The following GABRA3 variants were observed in gnomAD, a reference collection of about 807,000 sequenced individuals.
GABRA3 encodes the protein gamma-aminobutyric acid type A receptor subunit alpha3, also known as gamma-aminobutyric acid receptor subunit alpha-3.
GABRA3 carries 10 observed loss-of-function variants against 30.1 expected under a neutral mutation model. That is an observed-to-expected ratio of 0.33 (90% CI 0.20 to 0.56). The LOEUF (loss-of-function observed/expected upper bound fraction) is 0.56, where lower values mean the gene tolerates loss of function less well. GABRA3 is among the 20% of genes least tolerant of loss of function. GABRA3 has a pLI of 0.89. For missense variants in GABRA3, 233 were observed against 392.0 expected, an observed-to-expected ratio of 0.59 and a Z score of 3.42; for synonymous variants, 151 against 146.8, an observed-to-expected ratio of 1.03 and a Z score of -0.21.
chrX:152,167,347 T>TA lies in GABRA3; in HGVS notation c.*880dup, dbSNP rs1351188751. 6.2e-5 allele frequency: 7 copies of TA among 112,349 alleles called. No individual in the cohort carries two copies. The East Asian group carries it at 1.7e-3, about 27-fold the overall frequency. 9.3% of individuals were successfully genotyped at this position (112,349 alleles called of 1,213,427 possible). A position where few individuals can be genotyped will look rare whatever the true frequency, so the allele number is the denominator to read the frequency against. ...TGACTTTTGTATCTCTCCCATATTT[T>TA]AAAAAAATGTTTTTTTTAAATCTAG... On this transcript the variant is annotated 3_prime_UTR_variant, in exon 10 of 10. Transcript: ENST00000370314.
intron 1 of GABRA3, among the ~76,000 whole-genome samples, chrX:152,439,654 G>T (rs1274098421): frequency 9.0e-6 from 1 of 111,331 alleles, no homozygotes; most frequent in Non-Finnish European, 1.9e-5. Context: ...ACCTGTACAA[G>T]AACATTTATA....
intron 3 of GABRA3, among the ~76,000 whole-genome samples, chrX:152,322,616 T>C (rs5970273): frequency 0.21 from 22,303 of 106,960 alleles, 2,261 homozygotes; most frequent in African/African-American, 0.38. Flanking sequence ...TCATTGAAAC[T>C]TCTGCCTCCC....
chrX:152,171,336 T>C (rs1936999547), intron 9 of GABRA3: 1 of 453,516 alleles, frequency 2.2e-6, no homozygotes, highest in African/African-American at 2.6e-5. Context: ...TAATCACAGA[T>C]TTTTTAAGTA....
intron 3 of GABRA3, among the ~76,000 whole-genome samples, chrX:152,337,815 C>A (rs1295241448): frequency 9.0e-6 from 1 of 111,516 alleles, no homozygotes; most frequent in African/African-American, 3.3e-5. Flanking sequence ...CAAGACCCTG[C>A]CTTACAAAAA....
chrX:152,279,287 C>A (rs1345606620), intron 4 of GABRA3, among the ~76,000 whole-genome samples: 1 of 111,576 alleles, frequency 9.0e-6, no homozygotes, highest in African/African-American at 3.3e-5. Context: ...TGATTTTTGT[C>A]TAAGGTGTAA....
chrX:152,295,344 G>A (rs934657782), intron 3 of GABRA3, among the ~76,000 whole-genome samples: 1 of 112,730 alleles, frequency 8.9e-6, no homozygotes, highest in African/African-American at 3.2e-5. Context: ...GCTGTGGTGT[G>A]CTCCACCCAG....
chrX:152,173,115 G>A (rs112206876), intron 9 of GABRA3, among the ~76,000 whole-genome samples: 196 of 110,769 alleles, frequency 1.8e-3, no homozygotes, highest in African/African-American at 5.9e-3. Context: ...AGAGGGGCAT[G>A]AATAATGAAA....
Position 152,291,477 on chromosome X carries a change from T to C in GABRA3, c.263-6742A>G, listed in dbSNP as rs762332837. On this transcript the variant is annotated intron_variant, in intron 3 of 9. Coordinates refer to ENST00000370314, the MANE Select transcript of GABRA3 (RefSeq NM_000808.4). ...TGCAAACAGGGACAATTTGACTTCCTCTTTTCCTAATTGAATACCCTTTAT... is the reference window on the plus strand; with the variant it reads ...TGCAAACAGGGACAATTTGACTTCCCCTTTTCCTAATTGAATACCCTTTAT... Among the ~76,000 whole-genome samples, 4 of 111,891 alleles carry C rather than the reference T, an allele frequency of 3.6e-5. No individual in the cohort carries two copies. In the East Asian group the frequency reaches 1.1e-3, roughly 32 times the overall value.
At chrX:152,231,337 A>G (rs994672458) in intron 5 of GABRA3, among the ~76,000 whole-genome samples, 9 of 109,395 alleles carry the variant, frequency 8.2e-5, no homozygotes, top group East Asian at 5.8e-4. Flanking sequence ...ACGTGTGTGT[A>G]TACACGTGTG....
intron 1 of GABRA3, among the ~76,000 whole-genome samples, chrX:152,365,834 A>G (rs190199586): frequency 9.9e-4 from 111 of 111,904 alleles, no homozygotes; most frequent in African/African-American, 3.5e-3. Flanking sequence ...TGGTATAGGC[A>G]TTTGAAAAAC....
chrX:152,208,685 T>A (rs1287415804), intron 6 of GABRA3, among the ~76,000 whole-genome samples: 1 of 111,505 alleles, frequency 9.0e-6, no homozygotes, highest in Non-Finnish European at 1.9e-5. Flanking sequence ...ATTCTTGCTG[T>A]ATTAGTTCAC....
chrX:152,331,689 A>T (rs1415659506), intron 3 of GABRA3, among the ~76,000 whole-genome samples: 5 of 111,495 alleles, frequency 4.5e-5, no homozygotes, highest in African/African-American at 1.6e-4. Context: ...AGGAGGTGAA[A>T]TCTAAACTTA....
chrX:152,415,082 G>A (rs1930176973), intron 1 of GABRA3, among the ~76,000 whole-genome samples: 1 of 110,877 alleles, frequency 9.0e-6, no homozygotes, highest in African/African-American at 3.3e-5. Context: ...CTGTATTGGT[G>A]GATACAATGC....
intron 1 of GABRA3, among the ~76,000 whole-genome samples, chrX:152,440,415 TTGG>T (rs1307255129): frequency 2.7e-5 from 3 of 112,315 alleles, no homozygotes; most frequent in Non-Finnish European, 5.6e-5. Flanking sequence ...CTTTACACTG[TTGG>T]TGGGAGTGTA....
intron 5 of GABRA3, among the ~76,000 whole-genome samples, chrX:152,247,335 G>A (rs750470305): frequency 1.8e-5 from 2 of 111,564 alleles, no homozygotes; most frequent in Non-Finnish European, 3.8e-5. Context: ...AAATCCCACT[G>A]TGTCAATGTT....
chrX:152,421,431 A>G (rs750719079), intron 1 of GABRA3, among the ~76,000 whole-genome samples: 5 of 111,325 alleles, frequency 4.5e-5, no homozygotes, highest in Non-Finnish European at 9.4e-5. Context: ...TAAAACAATA[A>G]AGCTTCTAGA....
At chrX:152,435,299 TG>T (rs1018043419) in intron 1 of GABRA3, among the ~76,000 whole-genome samples, 2 of 111,333 alleles carry the variant, frequency 1.8e-5, no homozygotes, top group African/African-American at 3.3e-5. Flanking sequence ...TGCACACGTT[TG>T]TTTATTGCGG....
chrX:152,252,303 G>A (rs934455011), intron 5 of GABRA3, among the ~76,000 whole-genome samples: 4 of 111,526 alleles, frequency 3.6e-5, no homozygotes, highest in African/African-American at 1.3e-4. Flanking sequence ...AGACTTTTAA[G>A]TCTCTATATT....
At chrX:152,203,609 C>G (rs1229288715) in intron 7 of GABRA3, among the ~76,000 whole-genome samples, 1 of 111,882 alleles carries the variant, frequency 8.9e-6, no homozygotes, top group African/African-American at 3.2e-5. Context: ...GTGCTAAAAT[C>G]AGGATGTAGG....
Sources: gnomAD v4.1 joint callset for allele counts (sites outside exome capture counted in the v4.1 genomes callset) on GRCh38, gnomAD v4.1.1 for gene constraint, MANE v1.5 for transcripts, NCBI Gene and HGNC (gene_info 2026-07-23, HGNC 2026-07-21) for gene names.